Variants in SLC7A11 observed in about 807,000 individuals in gnomAD.
SLC7A11 encodes the protein cystine/glutamate transporter.
Under a neutral mutation model 54.5 loss-of-function variants are expected in SLC7A11, and 35 were observed. The observed-to-expected ratio is 0.64, with a 90% confidence interval of 0.49 to 0.85. SLC7A11 has a LOEUF of 0.85. SLC7A11 is among the 40% of genes least tolerant of loss of function. The pLI, the probability that SLC7A11 is intolerant of heterozygous loss-of-function variation, is 0.00. For missense variants in SLC7A11, 583 were observed against 618.1 expected, an observed-to-expected ratio of 0.94 and a Z score of 0.60; for synonymous variants, 230 against 225.2, an observed-to-expected ratio of 1.02 and a Z score of -0.19.
chr4:138,226,588 T>C lies in SLC7A11; in HGVS notation c.521-3264A>G, dbSNP rs926038683. Reference sequence around the variant, plus strand: ...CAGCCAGCGAGAGGTACAGTGAAGCTTCTCCGGTGGCTATAACTGCTGTTT... The same window carrying C: ...CAGCCAGCGAGAGGTACAGTGAAGCCTCTCCGGTGGCTATAACTGCTGTTT... On this transcript the variant is annotated intron_variant, in intron 3 of 11. Coordinates refer to ENST00000280612, the MANE Select transcript of SLC7A11 (RefSeq NM_014331.4). Among the ~76,000 whole-genome samples, 5 of 152,248 alleles carry C rather than the reference T, an allele frequency of 3.3e-5. No homozygotes were observed. The East Asian group carries it at 7.7e-4, about 24-fold the overall frequency.
chr4:138,241,948 T>G lies in SLC7A11; in HGVS notation c.122A>C (p.Lys41Thr). 1 of 1,614,132 alleles carries G rather than the reference T, an allele frequency of 6.2e-7. No homozygotes were observed. The highest frequency in any genetic ancestry group is 1.1e-5 in the South Asian group (1 of 91,080). ...TCCCCTCAGTAAAGTGACTTTCCTC[T>G]TCAGCTGCACTTTCTCCTGCCCAGG... is the stretch of plus-strand genomic sequence containing the variant. ...EPPGQEKVQL[K>T]RKVTLLRGVS... Residue 41 changes from lysine (K) to threonine (T), a missense_variant, in exon 1 of 12, where the codon AAG (lysine) becomes ACG (threonine). Transcript: ENST00000280612.
At chr4:138,185,880 A>G (rs968421204) in intron 6 of SLC7A11, among the ~76,000 whole-genome samples, 5 of 152,170 alleles carry the variant, frequency 3.3e-5, no homozygotes, top group African/African-American at 1.2e-4. Flanking sequence ...ATATAAGACA[A>G]GAAAGCACAG....
rs113451557 is a variant in SLC7A11, at chr4:138,232,384, TA to T, written c.405-3del. 3,282 of 1,503,804 alleles carry T rather than the reference TA, an allele frequency of 2.2e-3. No individual in the cohort carries two copies. Among genetic ancestry groups the T allele is most frequent in the Non-Finnish European group, 2.6e-3 (2,792 of 1,094,636 alleles). 93.2% of individuals were successfully genotyped at this position (1,503,804 alleles called of 1,614,324 possible). A position where few individuals can be genotyped will look rare whatever the true frequency, so the allele number is the denominator to read the frequency against. On this transcript the variant is annotated splice_region_variant and splice_polypyrimidine_tract_variant and intron_variant, in intron 2 of 11. Transcript: ENST00000280612. ...GATATCACAGCAGTAGCTGCAGGGC[TA>T]AAAAAAAATGTATATATTTAGGTTA...
At position 138,210,747 on chromosome 4, in the gene SLC7A11, A is replaced by T. The variant is rs140212843; in HGVS notation, c.791+3838T>A. Among the ~76,000 whole-genome samples, 1,263 of 152,186 alleles carry T rather than the reference A, an allele frequency of 8.3e-3. 18 individuals are homozygous for T. The highest frequency in any genetic ancestry group is 0.029 in the African/African-American group (1,199 of 41,558). On this transcript the variant is annotated intron_variant, in intron 6 of 11. Coordinates refer to ENST00000280612, the MANE Select transcript of SLC7A11 (RefSeq NM_014331.4). ...TATTATTAGAAAGTCAAAAAATAAC[A>T]GATGTTGGCAAGGCTGTGGAGAAAA...
intron 1 of SLC7A11, among the ~76,000 whole-genome samples, chr4:138,236,860 T>G (rs752882059): frequency 5.1e-4 from 77 of 152,296 alleles, no homozygotes; most frequent in African/African-American, 1.5e-3. Context: ...TTGAGTTAGC[T>G]TTTAAGTTTT....
At chr4:138,179,085 TA>T in intron 11 of SLC7A11, 131 bp downstream of exon 11, 1 of 620,426 alleles carries the variant, frequency 1.6e-6, no homozygotes, top group Non-Finnish European at 2.8e-6. Flanking sequence ...CAGTTCCAAT[TA>T]AAATGCCATA....
intron 3 of SLC7A11, among the ~76,000 whole-genome samples, chr4:138,226,245 T>C (rs1513770): frequency 0.24 from 37,129 of 151,840 alleles, 6,135 homozygotes; most frequent in African/African-American, 0.46. Context: ...TATGGAAGTG[T>C]CTCAAAAAAC....
At chr4:138,216,511 A>G (rs1737684380) in intron 5 of SLC7A11, among the ~76,000 whole-genome samples, 1 of 152,102 alleles carries the variant, frequency 6.6e-6, no homozygotes, top group African/African-American at 2.4e-5. Flanking sequence ...CAATGTTATT[A>G]ACATTGTTCC....
At chr4:138,175,613 C>T (rs1287466459) in intron 11 of SLC7A11, 1 of 152,158 alleles carries the variant, frequency 6.6e-6, no homozygotes. Context: ...AAAAAGCTTT[C>T]CGTGTATCTC....
At chr4:138,237,189 G>T (rs60317767) in intron 1 of SLC7A11, among the ~76,000 whole-genome samples, 11,047 of 151,354 alleles carry the variant, frequency 0.073, 907 homozygotes, top group East Asian at 0.41. Context: ...GGGTTTCATG[G>T]TGTTAGCCAG....
At chr4:138,204,860 T>C (rs1217582582) in intron 6 of SLC7A11, among the ~76,000 whole-genome samples, 4 of 152,044 alleles carry the variant, frequency 2.6e-5, no homozygotes, top group Non-Finnish European at 5.9e-5. Context: ...CTACTAATAA[T>C]TGGGCACTTT....
intron 6 of SLC7A11, among the ~76,000 whole-genome samples, chr4:138,190,127 G>C (rs939055809): frequency 6.6e-6 from 1 of 152,174 alleles, no homozygotes; most frequent in African/African-American, 2.4e-5. Flanking sequence ...GGCTAGGCAT[G>C]AGGATAGGCA....
chr4:138,209,814 C>T (rs1265726003), intron 6 of SLC7A11, among the ~76,000 whole-genome samples: 1 of 152,060 alleles, frequency 6.6e-6, no homozygotes, highest in Non-Finnish European at 1.5e-5. Flanking sequence ...AATGGCAGTA[C>T]TGCCCAAAGC....
intron 6 of SLC7A11, among the ~76,000 whole-genome samples, chr4:138,190,886 AGATGACTGAGAGCATCT>A (rs1051271184): frequency 2.2e-4 from 33 of 152,260 alleles, no homozygotes; most frequent in African/African-American, 7.0e-4. Context: ...ATTGGACTAC[AGATGACTGAGAGCATCT>A]GTAGAAGAAC....
At chr4:138,217,567 G>A (rs1287337760) in intron 5 of SLC7A11, among the ~76,000 whole-genome samples, 1 of 152,074 alleles carries the variant, frequency 6.6e-6, no homozygotes, top group African/African-American at 2.4e-5. Flanking sequence ...AAGTGAGGAG[G>A]GTAAAAGAAT....
Position 138,171,774 on chromosome 4 carries a change from A to G in SLC7A11, c.*182T>C. The G allele has an allele frequency of 1.4e-6, 1 of 704,056 alleles. No individual in the cohort carries two copies. The highest frequency in any genetic ancestry group is 1.9e-5 in the African/African-American group (1 of 53,464). The allele number at this position is 704,056 out of a possible 1,614,324, so 43.6% of individuals were successfully genotyped here. A position where few individuals can be genotyped will look rare whatever the true frequency, so the allele number is the denominator to read the frequency against. On this transcript the variant is annotated 3_prime_UTR_variant, in exon 12 of 12. Coordinates refer to ENST00000280612, the MANE Select transcript of SLC7A11 (RefSeq NM_014331.4). ...CTGCATATTCACTTTCTATAACTAC[A>G]TAGAGTTATAACTAAATTTCTTAGA...
chr4:138,237,178 G>A (rs781004246), intron 1 of SLC7A11, among the ~76,000 whole-genome samples: 55 of 151,440 alleles, frequency 3.6e-4, no homozygotes, highest in South Asian at 2.3e-3. Context: ...TAGTAGAGAC[G>A]GGGTTTCATG....
intron 9 of SLC7A11, among the ~76,000 whole-genome samples, chr4:138,181,026 AT>A (rs1736728834): frequency 6.6e-6 from 1 of 152,132 alleles, no homozygotes; most frequent in African/African-American, 2.4e-5. Context: ...TTCAAGTGGA[AT>A]TCTATATGAA....
intron 4 of SLC7A11, among the ~76,000 whole-genome samples, chr4:138,221,714 C>A (rs1167158020): frequency 6.6e-6 from 1 of 152,116 alleles, no homozygotes; most frequent in Non-Finnish European, 1.5e-5. Context: ...TTTGGGCAAC[C>A]AAACCCTTCC....
Sources: gnomAD v4.1 joint callset for allele counts (sites outside exome capture counted in the v4.1 genomes callset) on GRCh38, gnomAD v4.1.1 for gene constraint, MANE v1.5 for transcripts, NCBI Gene and HGNC (gene_info 2026-07-23, HGNC 2026-07-21) for gene names.